Variants in GSDME observed in about 807,000 individuals in gnomAD.
GSDME encodes gasdermin-E.
GSDME carries 44 observed loss-of-function variants against 47.5 expected under a neutral mutation model. The ratio of observed to expected loss-of-function variants is 0.93; its 90% CI spans 0.73 to 1.19. The LOEUF (loss-of-function observed/expected upper bound fraction) is 1.19. GSDME is among the 50% of genes most tolerant of loss of function. The pLI, the probability that GSDME is intolerant of heterozygous loss-of-function variation, is 0.00. For synonymous variants in GSDME, 258 were observed against 252.8 expected (o/e 1.02, Z -0.20); for missense variants, 663 against 604.2 (o/e 1.10, Z -1.02).
Position 24,755,372 on chromosome 7 carries a change from C to T in GSDME, c.-20+2024G>A, listed in dbSNP as rs536512555. 1.3e-4 allele frequency among the ~76,000 whole-genome samples: 20 copies of T among 152,308 alleles called. No individual in the cohort carries two copies. The South Asian group carries it at 4.1e-3, about 32-fold the overall frequency. Reference sequence around the variant, plus strand: ...TCCTGACCAATCACAGCTATAGCCTCTCTCTGGCCTTCTCTCATTTTTGAC... The same window carrying T: ...TCCTGACCAATCACAGCTATAGCCTTTCTCTGGCCTTCTCTCATTTTTGAC... On this transcript the variant is annotated intron_variant, in intron 1 of 9. Transcript: ENST00000645220.
At position 24,756,709 on chromosome 7, in the gene GSDME, C is replaced by T. The variant is rs1043053082; in HGVS notation, c.-20+687G>A. Among the ~76,000 whole-genome samples the T allele has an allele frequency of 9.2e-5, 14 of 152,314 alleles. No homozygotes were observed. Among genetic ancestry groups the T allele is most frequent in the Middle Eastern group, 3.4e-3 (1 of 294 alleles). On this transcript the variant is annotated intron_variant, in intron 1 of 9. Coordinates refer to ENST00000645220, the MANE Select transcript of GSDME (RefSeq NM_001127453.2). This position sits in a 1 kb window ranked among gnomAD's most constrained non-coding sequence, Gnocchi z 4.2. ...GCTTTTCTAAGAGGTGCCCTCTAGT[C>T]TTTCCCCTCGGGGTGCAGACGGCAA...
At chr7:24,793,793 T>C in the GSDME span, among the ~76,000 whole-genome samples, 3 of 152,094 alleles carry the variant, frequency 2.0e-5, no homozygotes, top group Non-Finnish European at 4.4e-5. Context: ...TCTTTTTTTT[T>C]TTTTTTAACT....
upstream of GSDME, among the ~76,000 whole-genome samples, chr7:24,758,963 C>A (rs949587488): frequency 1.3e-5 from 2 of 152,122 alleles, no homozygotes; most frequent in Non-Finnish European, 2.9e-5. The surrounding 1 kb of genome is among the most constrained non-coding windows in gnomAD (Gnocchi z 4.6). Context: ...GAAATGAATC[C>A]TTTTGTTTGT....
Position 24,733,689 on chromosome 7 carries a change from C to T in GSDME, c.404+10873G>A, listed in dbSNP as rs1399902018. Among the ~76,000 whole-genome samples the T allele has an allele frequency of 1.3e-5, 2 of 152,278 alleles. No individual in the cohort carries two copies. Among genetic ancestry groups the T allele is most frequent in the South Asian group, 2.1e-4 (1 of 4,824 alleles). On this transcript the variant is annotated intron_variant, in intron 3 of 9. Transcript: ENST00000645220. This position sits in a 1 kb window ranked among gnomAD's most constrained non-coding sequence, Gnocchi z 4.3. ...GCTGGTGGACATGGGTGAGAGTCCT[C>T]TGCCTGGGGAAAGGAGAGGGAAGAG...
At chr7:24,727,584 C>T (rs1790008374) in intron 3 of GSDME, among the ~76,000 whole-genome samples, 1 of 152,260 alleles carries the variant, frequency 6.6e-6, no homozygotes, top group South Asian at 2.1e-4. Flanking sequence ...CAAAGGATCA[C>T]ACGTGTGTTC....
chr7:24,717,437 A>G (rs1403330183), intron 4 of GSDME, 63 bp from the exon 5 acceptor site: 1 of 1,612,234 alleles, frequency 6.2e-7, no homozygotes, highest in East Asian at 2.2e-5. Context: ...TCTGTTCCCC[A>G]CTGCAGCCAG....
chr7:24,782,524 C>G, the GSDME span, among the ~76,000 whole-genome samples: 2 of 152,280 alleles, frequency 1.3e-5, no homozygotes, highest in South Asian at 2.1e-4. Flanking sequence ...CCACAATAAA[C>G]ATACGTGTGC....
In GSDME at chr7:24,721,886, G is replaced by T. The variant is rs1341491175; in HGVS notation, c.405-2668C>A. Among the ~76,000 whole-genome samples, 1 of 152,138 alleles carries T rather than the reference G, an allele frequency of 6.6e-6. No individual in the cohort carries two copies. Among genetic ancestry groups the T allele is most frequent in the Non-Finnish European group, 1.5e-5 (1 of 68,030 alleles). The stretch of plus-strand genomic sequence containing the variant: ...ACTACTCCTTAAAAATGCCAGGTGT[G>T]TGCCTACCCCGAGGCGTTGGCACAC... On this transcript the variant is annotated intron_variant, in intron 3 of 9. Coordinates refer to ENST00000645220, the MANE Select transcript of GSDME (RefSeq NM_001127453.2). The surrounding 1 kb of genome is among the most constrained non-coding windows in gnomAD (Gnocchi z 4.1).
In GSDME at chr7:24,725,640, C is replaced by T. The variant is rs139890437; in HGVS notation, c.405-6422G>A. Among the ~76,000 whole-genome samples, 16 of 152,256 alleles carry T rather than the reference C, an allele frequency of 1.1e-4. 1 individual carries two copies. Among genetic ancestry groups the T allele is most frequent in the African/African-American group, 3.6e-4 (15 of 41,532 alleles). On this transcript the variant is annotated intron_variant, in intron 3 of 9. Transcript: ENST00000645220. The surrounding 1 kb of genome is among the most constrained non-coding windows in gnomAD (Gnocchi z 5.1). ...GGTACGTGACTGGGGGCTGCATGCT[C>T]TGCTAATCAGATTGGAACAAAATAG...
the GSDME span, among the ~76,000 whole-genome samples, chr7:24,789,385 C>CA: frequency 0.085 from 13,001 of 152,112 alleles, 769 homozygotes; most frequent in Non-Finnish European, 0.13. Context: ...ACTTATGTCT[C>CA]AAAAAACCAA....
At chr7:24,772,048 C>T in the GSDME span, among the ~76,000 whole-genome samples, 5 of 152,326 alleles carry the variant, frequency 3.3e-5, no homozygotes, top group East Asian at 1.9e-4. The surrounding 1 kb of genome is among the most constrained non-coding windows in gnomAD (Gnocchi z 4.5). Context: ...GCTGGTGACA[C>T]GAGCTTTGGG....
At chr7:24,769,434 C>T in the GSDME span, among the ~76,000 whole-genome samples, 1 of 152,178 alleles carries the variant, frequency 6.6e-6, no homozygotes, top group Admixed American at 6.5e-5. Flanking sequence ...CATGCCAGAG[C>T]ATTCTGTTCT....
Position 24,706,248 on chromosome 7 carries a change from G to T in GSDME, c.1119C>A (p.Gly373=). 1 of 1,614,208 alleles carries T rather than the reference G, an allele frequency of 6.2e-7. No homozygotes were observed. The change falls in exon 8 of 10, where the codon GGC becomes GGA. Residue 373 remains glycine (G), a synonymous_variant. Transcript: ENST00000645220. Reference sequence around the variant, plus strand: ...GCTGCTTGCTGCCTGCATCCTCGGGGCCCGGACACCCACCCTGTAAGCTGC... The same window carrying T: ...GCTGCTTGCTGCCTGCATCCTCGGGTCCCGGACACCCACCCTGTAAGCTGC... ...VGCSLQGGCP[G]PEDAGSKQLF...
At chr7:24,731,557 C>T (rs754836577) in intron 3 of GSDME, among the ~76,000 whole-genome samples, 2 of 152,276 alleles carry the variant, frequency 1.3e-5, no homozygotes, top group Non-Finnish European at 2.9e-5. Context: ...GTCTGGCTCT[C>T]AGCAAGCTGC....
chr7:24,738,433 A>C (rs1459663455), intron 3 of GSDME, among the ~76,000 whole-genome samples: 2 of 152,188 alleles, frequency 1.3e-5, no homozygotes, highest in Non-Finnish European at 2.9e-5. Context: ...AAATTTCTAC[A>C]ATGAAAACTA....
At chr7:24,752,208 T>C (rs116207961) in intron 1 of GSDME, among the ~76,000 whole-genome samples, 88 of 152,308 alleles carry the variant, frequency 5.8e-4, no homozygotes, top group African/African-American at 2.1e-3. Context: ...TTGTGTTGTA[T>C]TGATCTGCCA....
chr7:24,709,773 T>C (rs955290649), intron 6 of GSDME, among the ~76,000 whole-genome samples: 2 of 152,204 alleles, frequency 1.3e-5, no homozygotes, highest in African/African-American at 2.4e-5. Context: ...GCCATGTGGA[T>C]AAAGAGCCTC....
Position 24,706,224 on chromosome 7 carries a change from C to T in GSDME, c.1143G>A (p.Gln381=), listed in dbSNP as rs774835568. 1.2e-6 allele frequency: 2 copies of T among 1,614,260 alleles called. No individual in the cohort carries two copies. Among genetic ancestry groups the T allele is most frequent in the South Asian group, 1.1e-5 (1 of 91,086 alleles). Residue 381 remains glutamine, a synonymous_variant, in exon 8 of 10, where the codon CAG becomes CAA. Transcript: ENST00000645220. The part of the protein sequence containing the change: ...CPGPEDAGSK[Q]LFMTAYFLVS... ...CCAAGAAGTAGGCTGTCATAAACAG[C>T]TGCTTGCTGCCTGCATCCTCGGGGC...
In GSDME at chr7:24,739,262, G is replaced by T. The variant is rs1279390657; in HGVS notation, c.404+5300C>A. On this transcript the variant is annotated intron_variant, in intron 3 of 9. Coordinates refer to ENST00000645220, the MANE Select transcript of GSDME (RefSeq NM_001127453.2). This position sits in a 1 kb window ranked among gnomAD's most constrained non-coding sequence, Gnocchi z 5.1. ...GATTAATAACCAGAATATAAAAGGG[G>T]CTCAAACAACTGTAGGGAAAAAAAT... Among the ~76,000 whole-genome samples, 1 of 152,078 alleles carries T rather than the reference G, an allele frequency of 6.6e-6. No homozygotes were observed. Among genetic ancestry groups the T allele is most frequent in the Non-Finnish European group, 1.5e-5 (1 of 68,000 alleles).
Sources: allele counts gnomAD v4.1 joint callset (sites outside exome capture counted in the v4.1 genomes callset), GRCh38; gene constraint gnomAD v4.1.1; non-coding constraint Gnocchi (gnomAD v3.1); transcripts MANE v1.5; gene names NCBI Gene and HGNC (gene_info 2026-07-23, HGNC 2026-07-21).